Variants in RPS6KA1 observed in about 807,000 individuals in gnomAD.
The protein encoded by RPS6KA1 is ribosomal protein S6 kinase A1.
RPS6KA1 carries 48 observed loss-of-function variants against 91.3 expected under a neutral mutation model. That is an observed-to-expected ratio of 0.53 (90% CI 0.42 to 0.67). RPS6KA1 has a LOEUF of 0.67. Among genes scored for constraint, RPS6KA1 ranks in the 30% least tolerant of loss-of-function variants. The probability of loss-of-function intolerance (pLI) is 0.00; values close to 1 mark genes in which losing one functional copy is unlikely to be tolerated. For synonymous variants in RPS6KA1, 359 were observed against 384.7 expected (o/e 0.93, Z 0.78); for missense variants, 719 against 960.5 (o/e 0.75, Z 3.32).
intron 2 of RPS6KA1, among the ~76,000 whole-genome samples, chr1:26,542,553 C>A (rs1239078918): frequency 6.6e-6 from 1 of 152,236 alleles, no homozygotes; most frequent in East Asian, 1.9e-4. Flanking sequence ...TGCCCCATAG[C>A]TGCCTGCTCC....
chr1:26,561,979 G>T lies in RPS6KA1; in HGVS notation c.1590+316G>T, dbSNP rs776978032. The stretch of plus-strand genomic sequence containing the variant: ...GCAACTTGGGAGGGCAACGCAGGTG[G>T]ATCACTTGAGGTCAGGAGTTTGACA... On this transcript the variant is annotated intron_variant, in intron 17 of 21. Transcript: ENST00000374168. This position sits in a 1 kb window ranked among gnomAD's most constrained non-coding sequence, Gnocchi z 5.7. 2.0e-5 allele frequency among the ~76,000 whole-genome samples: 3 copies of T among 152,158 alleles called. No homozygotes were observed.
chr1:26,532,723 G>A (rs1434487229), intron 1 of RPS6KA1, among the ~76,000 whole-genome samples: 2 of 152,222 alleles, frequency 1.3e-5, no homozygotes, highest in Non-Finnish European at 2.9e-5. Context: ...AGCTTCTCCA[G>A]ACGCTGCCCT....
At position 26,554,399 on chromosome 1, in the gene RPS6KA1, A is replaced by C. The variant is rs1468011572; in HGVS notation, c.613+148A>C. On this transcript the variant is annotated intron_variant, in intron 8 of 21. Coordinates refer to ENST00000374168, the MANE Select transcript of RPS6KA1 (RefSeq NM_002953.4). The surrounding 1 kb of genome is among the most constrained non-coding windows in gnomAD (Gnocchi z 4.6). ...TCAAAAACTCAGGCCTCAGACTTGG[A>C]ACACCCTCAGCTGGAATCCCAGCCC... 1.8e-6 allele frequency: 2 copies of C among 1,118,862 alleles called. No homozygotes were observed. Among genetic ancestry groups the C allele is most frequent in the Non-Finnish European group, 2.6e-6 (2 of 779,036 alleles). The allele number at this position is 1,118,862 out of a possible 1,614,324, so 69.3% of individuals were successfully genotyped here. A position where few individuals can be genotyped will look rare whatever the true frequency, so the allele number is the denominator to read the frequency against.
At chr1:26,564,653 T>C (rs1209625470) in intron 17 of RPS6KA1, among the ~76,000 whole-genome samples, 2 of 152,204 alleles carry the variant, frequency 1.3e-5, no homozygotes, top group African/African-American at 4.8e-5. Context: ...GAATCTTGCA[T>C]GAGTCGAGTA....
At chr1:26,539,013 C>T (rs1016744229) in intron 2 of RPS6KA1, among the ~76,000 whole-genome samples, 10 of 152,154 alleles carry the variant, frequency 6.6e-5, no homozygotes, top group African/African-American at 1.9e-4. Flanking sequence ...AGTCAATATC[C>T]CCCACCTTCG....
intron 17 of RPS6KA1, among the ~76,000 whole-genome samples, chr1:26,568,842 G>A (rs1157071484): frequency 6.6e-6 from 1 of 152,194 alleles, no homozygotes; most frequent in Non-Finnish European, 1.5e-5. Context: ...GAAAGACTAT[G>A]GAATTCAGGT....
intron 17 of RPS6KA1, among the ~76,000 whole-genome samples, chr1:26,570,432 A>T (rs1038968958): frequency 1.3e-5 from 2 of 152,128 alleles, no homozygotes; most frequent in African/African-American, 4.8e-5. Context: ...GGCTGCAGTG[A>T]GCCATGAATC....
chr1:26,558,915 C>T lies in RPS6KA1; in HGVS notation c.1193C>T (p.Ala398Val). ...GACGGCAAGCCTCGTGCCCCGCAGG[C>T]ACCCCTGCACTCGGTGGTACAGGTG... ...EDDGKPRAPQ[A>V]PLHSVVQQLH... is the part of the protein sequence containing the mutation. The change falls in exon 14 of 22, where the codon GCA (alanine) becomes GTA (valine). Residue 398 changes from alanine to valine, a missense_variant. Around this residue, in one of 5 missense-constraint regions of RPS6KA1, gnomAD observed 228 missense variants for 247.6 expected, o/e 0.92. Coordinates refer to ENST00000374168, the MANE Select transcript of RPS6KA1 (RefSeq NM_002953.4). This position sits in a 1 kb window ranked among gnomAD's most constrained non-coding sequence, Gnocchi z 4.0. 2.5e-6 allele frequency: 4 copies of T among 1,613,344 alleles called. No homozygotes were observed. The highest frequency in any genetic ancestry group is 3.4e-6 in the Non-Finnish European group (4 of 1,179,412).
At chr1:26,557,170 G>T in intron 13 of RPS6KA1, 70 bp downstream of exon 13, 1 of 1,244,920 alleles carries the variant, frequency 8.0e-7, no homozygotes, top group Non-Finnish European at 1.2e-6. Context: ...GTGGCAGCTT[G>T]GGGGGCAGAG....
chr1:26,561,157 G>C lies in RPS6KA1; in HGVS notation c.1431+23G>C. The C allele has an allele frequency of 6.3e-7, 1 of 1,590,726 alleles. No homozygotes were observed. The highest frequency in any genetic ancestry group is 1.1e-5 in the South Asian group (1 of 90,564). ...GATGTGAGTGGGGGTCCTTAAGACT[G>C]GGGTGGGGACCAGGAACTCAACTCT... On this transcript the variant is annotated intron_variant, in intron 16 of 21. Transcript: ENST00000374168. This position sits in a 1 kb window ranked among gnomAD's most constrained non-coding sequence, Gnocchi z 5.7.
At position 26,561,062 on chromosome 1, in the gene RPS6KA1, G is replaced by A. The variant is rs764444875; in HGVS notation, c.1359G>A (p.Lys453=). ...TTCTTCAGGTCATTGATAAGAGCAA[G>A]CGGGATCCTTCAGAAGAGATTGAGA... The part of the protein sequence containing the change: ...EYAVKVIDKS[K]RDPSEEIEIL... Residue 453 remains lysine, a synonymous_variant, in exon 16 of 22, where the codon AAG becomes AAA. Transcript: ENST00000374168. The surrounding 1 kb of genome is among the most constrained non-coding windows in gnomAD (Gnocchi z 5.7). 1 of 1,613,984 alleles carries A rather than the reference G, an allele frequency of 6.2e-7. No homozygotes were observed. The highest frequency in any genetic ancestry group is 1.7e-5 in the Admixed American group (1 of 60,004).
intron 2 of RPS6KA1, chr1:26,546,161 G>A (rs1570431103): frequency 1.8e-6 from 2 of 1,097,250 alleles, no homozygotes; most frequent in Non-Finnish European, 2.6e-6. Context: ...AGGGTGACTG[G>A]ACCCTGCCCA....
Position 26,574,278 on chromosome 1 carries a change from A to G in RPS6KA1, c.*77A>G. The stretch of plus-strand genomic sequence containing the variant: ...TGCTTCCCAGAGGGAGCAGGCCGGA[A>G]CCACAGGGCCAGAGGGAGCTGGAAC... On this transcript the variant is annotated 3_prime_UTR_variant, in exon 22 of 22. Transcript: ENST00000374168. This position sits in a 1 kb window ranked among gnomAD's most constrained non-coding sequence, Gnocchi z 4.3. The G allele has an allele frequency of 6.3e-7, 1 of 1,579,918 alleles. No homozygotes were observed. Among genetic ancestry groups the G allele is most frequent in the Non-Finnish European group, 8.7e-7 (1 of 1,149,184 alleles).
At chr1:26,553,040 T>C (rs2076066868) in intron 6 of RPS6KA1, 1 of 256,760 alleles carries the variant, frequency 3.9e-6, no homozygotes, top group Admixed American at 5.0e-5. Context: ...TTTTTCAAGA[T>C]AGTATATCTT....
Position 26,560,783 on chromosome 1 carries a change from G to A in RPS6KA1, c.1273G>A (p.Gly425Ser). ...SDGYVVKETI[G>S]VGSYSECKRC... ...CGGCTACGTGGTAAAGGAGACAATT[G>A]GTGTGGGCTCCTACTCTGAGTGCAA... Residue 425 changes from glycine to serine, a missense_variant, in exon 15 of 22, where the codon GGT becomes AGT. Physicochemically the swap from Gly to Ser is moderately conservative, Grantham distance 56. Transcript: ENST00000374168. 6.2e-7 allele frequency: 1 copy of A among 1,614,186 alleles called. No homozygotes were observed. The highest frequency in any genetic ancestry group is 8.5e-7 in the Non-Finnish European group (1 of 1,180,008).
intron 2 of RPS6KA1, among the ~76,000 whole-genome samples, chr1:26,541,157 A>G (rs546458436): frequency 6.6e-6 from 1 of 151,722 alleles, no homozygotes. Flanking sequence ...AGCTTACTCC[A>G]TAGGCTGAGG....
intron 2 of RPS6KA1, chr1:26,543,137 T>C: frequency 6.5e-7 from 1 of 1,535,376 alleles, no homozygotes; most frequent in Non-Finnish European, 8.7e-7. Flanking sequence ...AACGGGGCCC[T>C]CTGGTCACCG....
In RPS6KA1 at chr1:26,559,225, C is replaced by T. The variant is rs529530504; in HGVS notation, c.1215+288C>T. Among the ~76,000 whole-genome samples the T allele has an allele frequency of 8.5e-5, 13 of 152,280 alleles. No individual in the cohort carries two copies. The South Asian group carries it at 2.3e-3, about 27-fold the overall frequency. The stretch of plus-strand genomic sequence containing the variant: ...TGTCGTGTCTCCGGCATAAGTGTAG[C>T]GAAGGACTTGGATCTCATCACACTT... On this transcript the variant is annotated intron_variant, in intron 14 of 21. Transcript: ENST00000374168.
chr1:26,572,036 G>C, intron 19 of RPS6KA1, 111 bp downstream of exon 19: 1 of 1,346,422 alleles, frequency 7.4e-7, no homozygotes, highest in Non-Finnish European at 1.1e-6. Context: ...GGATGGTCTG[G>C]AAATAGGGAC....
Sources: allele counts gnomAD v4.1 joint callset (sites outside exome capture counted in the v4.1 genomes callset), GRCh38; gene constraint gnomAD v4.1.1; regional missense constraint gnomAD v4.1.1; non-coding constraint Gnocchi (gnomAD v3.1); transcripts MANE v1.5; gene names NCBI Gene and HGNC (gene_info 2026-07-23, HGNC 2026-07-21).